Variants in PLCB1 observed in about 807,000 individuals in gnomAD.
PLCB1 encodes the protein 1-phosphatidylinositol 4,5-bisphosphate phosphodiesterase beta-1.
In PLCB1, 46 loss-of-function variants were observed where a neutral mutation model predicts 161.8. The ratio of observed to expected loss-of-function variants is 0.28; its 90% CI spans 0.22 to 0.36. PLCB1 has a LOEUF of 0.36. PLCB1 is among the 10% of genes least tolerant of loss of function. The probability of loss-of-function intolerance (pLI) is 1.00; values close to 1 mark genes in which losing one functional copy is unlikely to be tolerated. For missense variants in PLCB1, 1,016 were observed against 1,472.5 expected, an observed-to-expected ratio of 0.69 and a Z score of 5.07; for synonymous variants, 517 against 503.7, an observed-to-expected ratio of 1.03 and a Z score of -0.35.
intron 3 of PLCB1, among the ~76,000 whole-genome samples, chr20:8,516,104 T>G (rs972763482): frequency 2.6e-5 from 4 of 151,852 alleles, no homozygotes; most frequent in African/African-American, 9.7e-5. Flanking sequence ...GGAAAGACCC[T>G]CCCCCCTGAT....
intron 3 of PLCB1, among the ~76,000 whole-genome samples, chr20:8,611,554 G>A (rs1429045142): frequency 6.6e-6 from 1 of 151,966 alleles, no homozygotes; most frequent in Non-Finnish European, 1.5e-5. Context: ...TAAAAACATG[G>A]CTATATCATG....
At chr20:8,268,301 C>A (rs1389867919) in intron 2 of PLCB1, among the ~76,000 whole-genome samples, 2 of 151,990 alleles carry the variant, frequency 1.3e-5, no homozygotes, top group African/African-American at 2.4e-5. Flanking sequence ...TGAACTCATC[C>A]TTTTTTATGG....
Position 8,457,714 on chromosome 20 carries a change from G to GCGCACACACA in PLCB1, c.246+86265_246+86266insGCACACACAC, listed in dbSNP as rs1555808428. ...CTACTTATACCCCTAATGTGTGCGC[G>GCGCACACACA]CACACACACACACACACACACACAC... On this transcript the variant is annotated intron_variant, in intron 3 of 31. Transcript: ENST00000338037. Among the ~76,000 whole-genome samples, 1,698 of 145,820 alleles carry GCGCACACACA rather than the reference G, an allele frequency of 0.012. 55 individuals are homozygous for GCGCACACACA. The East Asian group carries it at 0.12, about 10-fold the overall frequency.
intron 3 of PLCB1, among the ~76,000 whole-genome samples, chr20:8,412,584 T>C (rs1010780025): frequency 2.0e-5 from 3 of 152,208 alleles, no homozygotes; most frequent in African/African-American, 7.2e-5. Context: ...TTTTATGGTC[T>C]AATAGAGGAC....
At chr20:8,381,429 T>A (rs1312153436) in intron 3 of PLCB1, among the ~76,000 whole-genome samples, 4 of 152,082 alleles carry the variant, frequency 2.6e-5, no homozygotes. Flanking sequence ...CTCTGCCAGG[T>A]TTTGGTAACA....
At chr20:8,360,520 G>A (rs925412593) in intron 2 of PLCB1, among the ~76,000 whole-genome samples, 2 of 152,090 alleles carry the variant, frequency 1.3e-5, no homozygotes, top group Admixed American at 1.3e-4. Flanking sequence ...ATCAACAGTC[G>A]AATGAAAAGG....
At chr20:8,828,117 C>T (rs762318193) in intron 31 of PLCB1, among the ~76,000 whole-genome samples, 2 of 152,026 alleles carry the variant, frequency 1.3e-5, no homozygotes, top group African/African-American at 2.4e-5. Context: ...GAATTCATGC[C>T]CAGATTTGAT....
intron 16 of PLCB1, 68 bp from the exon 17 acceptor site, chr20:8,727,241 T>C: frequency 1.4e-6 from 1 of 726,450 alleles, no homozygotes; most frequent in East Asian, 2.7e-5. Flanking sequence ...TTTTATAATG[T>C]TATAATTTAT....
intron 3 of PLCB1, among the ~76,000 whole-genome samples, chr20:8,574,964 C>T (rs55914041): frequency 0.011 from 1,606 of 152,280 alleles, 32 homozygotes; most frequent in African/African-American, 0.036. Flanking sequence ...GGCCTGTAAT[C>T]GGTATGGAAG....
intron 27 of PLCB1, among the ~76,000 whole-genome samples, chr20:8,775,073 C>CTTT (rs71184112): frequency 2.4e-5 from 3 of 123,936 alleles, no homozygotes; most frequent in Non-Finnish European, 3.3e-5. Context: ...CAAATTTTCC[C>CTTT]TTTTTTTTTT....
At chr20:8,833,705 C>T (rs1986122719) in intron 31 of PLCB1, among the ~76,000 whole-genome samples, 2 of 152,172 alleles carry the variant, frequency 1.3e-5, no homozygotes, top group African/African-American at 4.8e-5. Flanking sequence ...GATTTCTGGC[C>T]TCCAGAACTG....
At chr20:8,696,877 G>T (rs1990596143) in intron 10 of PLCB1, among the ~76,000 whole-genome samples, 1 of 152,040 alleles carries the variant, frequency 6.6e-6, no homozygotes, top group Admixed American at 6.6e-5. Context: ...GGGACTACAG[G>T]CGCCTGCCAC....
At chr20:8,249,301 G>A (rs1981029596) in intron 2 of PLCB1, among the ~76,000 whole-genome samples, 1 of 151,868 alleles carries the variant, frequency 6.6e-6, no homozygotes, top group African/African-American at 2.4e-5. Flanking sequence ...CTATTTTAAG[G>A]TGTAATTATT....
chr20:8,689,005 A>G (rs1427502502), intron 10 of PLCB1, among the ~76,000 whole-genome samples: 1 of 151,924 alleles, frequency 6.6e-6, no homozygotes, highest in Non-Finnish European at 1.5e-5. Context: ...TTTGTTTGTC[A>G]TCTATGATTT....
chr20:8,247,479 G>T (rs537402386), intron 2 of PLCB1, among the ~76,000 whole-genome samples: 49 of 151,970 alleles, frequency 3.2e-4, no homozygotes, highest in South Asian at 2.1e-4. Flanking sequence ...CTTAAATTAG[G>T]AGCTTAGTGA....
intron 4 of PLCB1, among the ~76,000 whole-genome samples, chr20:8,645,322 A>AAG (rs1368502945): frequency 2.0e-5 from 3 of 148,458 alleles, no homozygotes; most frequent in African/African-American, 7.7e-5. Context: ...AATAAAAAAA[A>AAG]TAAAGACATT....
intron 3 of PLCB1, among the ~76,000 whole-genome samples, chr20:8,557,105 G>A (rs1985989362): frequency 6.6e-6 from 1 of 151,790 alleles, no homozygotes; most frequent in Admixed American, 6.6e-5. Context: ...AGTGATGATA[G>A]GAAATGGTGC....
At chr20:8,248,725 C>G (rs1348935219) in intron 2 of PLCB1, 1 of 151,886 alleles carries the variant, frequency 6.6e-6, no homozygotes, top group Non-Finnish European at 1.5e-5. Flanking sequence ...ACCAAATACC[C>G]AAAAGATCTG....
intron 11 of PLCB1, among the ~76,000 whole-genome samples, chr20:8,701,912 C>T (rs1162376221): frequency 6.6e-6 from 1 of 152,188 alleles, no homozygotes; most frequent in Admixed American, 6.5e-5. Context: ...TTTAGCTGCC[C>T]TGAACATTTG....
Sources: allele counts gnomAD v4.1 joint callset (sites outside exome capture counted in the v4.1 genomes callset), GRCh38; gene constraint gnomAD v4.1.1; transcripts MANE v1.5; gene names NCBI Gene and HGNC (gene_info 2026-07-23, HGNC 2026-07-21).